The following PKIB variants were observed in gnomAD, a reference collection of about 807,000 sequenced individuals.
The protein encoded by PKIB is PKI-beta.
PKIB carries 2 observed loss-of-function variants against 4.5 expected under a neutral mutation model. The ratio of observed to expected loss-of-function variants is 0.44; its 90% confidence interval spans 0.18 to 1.39. The LOEUF is 1.39. Among genes scored for constraint, PKIB ranks in the 40% most tolerant of loss-of-function variants. The pLI is 0.27. For missense variants in PKIB, 94 were observed against 92.6 expected, an observed-to-expected ratio of 1.02 and a Z score of -0.06; for synonymous variants, 38 against 36.0, an observed-to-expected ratio of 1.06 and a Z score of -0.20.
intron 2 of PKIB, among the ~76,000 whole-genome samples, chr6:122,513,084 A>G (rs1776637559): frequency 6.6e-6 from 1 of 151,736 alleles, no homozygotes; most frequent in African/African-American, 2.4e-5. Flanking sequence ...CCCTCGATTT[A>G]CTCTTCCACC....
chr6:122,480,622 C>T (rs1466421735), intron 2 of PKIB: 1 of 152,048 alleles, frequency 6.6e-6, no homozygotes, highest in Non-Finnish European at 1.5e-5. Context: ...TATTTATATG[C>T]CTACAGTATT....
intron 3 of PKIB, among the ~76,000 whole-genome samples, chr6:122,710,991 G>A (rs972587573): frequency 3.3e-5 from 5 of 152,132 alleles, no homozygotes; most frequent in Non-Finnish European, 7.3e-5. Flanking sequence ...TCTCAATTCT[G>A]AATACTCTGA....
At chr6:122,480,345 AG>A (rs2073746481) in intron 2 of PKIB, 1 of 152,126 alleles carries the variant, frequency 6.6e-6, no homozygotes, top group African/African-American at 2.4e-5. Context: ...CCCGGCCTAT[AG>A]TCAAATTTTT....
chr6:122,490,343 C>T (rs1445628935), intron 2 of PKIB, among the ~76,000 whole-genome samples: 1 of 152,044 alleles, frequency 6.6e-6, no homozygotes, highest in Non-Finnish European at 1.5e-5. Context: ...TAAAGTGTGC[C>T]CTTACCAAAG....
intron 1 of PKIB, among the ~76,000 whole-genome samples, chr6:122,620,220 A>G (rs967358028): frequency 2.0e-5 from 3 of 152,052 alleles, no homozygotes. Context: ...TGTTCTGAAC[A>G]CTCTAGTAAT....
chr6:122,720,096 T>C (rs1779678277), intron 4 of PKIB, among the ~76,000 whole-genome samples: 1 of 152,198 alleles, frequency 6.6e-6, no homozygotes. Flanking sequence ...GTCTCAGATG[T>C]TATGGTTTCA....
At chr6:122,567,346 A>C (rs1003752551) in intron 2 of PKIB, among the ~76,000 whole-genome samples, 2 of 152,198 alleles carry the variant, frequency 1.3e-5, no homozygotes, top group African/African-American at 4.8e-5. Flanking sequence ...GATCCACAGA[A>C]TTAAGCTCTA....
chr6:122,620,318 C>T (rs1775172086), intron 1 of PKIB, among the ~76,000 whole-genome samples: 1 of 152,146 alleles, frequency 6.6e-6, no homozygotes, highest in African/African-American at 2.4e-5. Context: ...TCTCACTTAC[C>T]ATGTGGTCGT....
intron 1 of PKIB, among the ~76,000 whole-genome samples, chr6:122,632,665 G>A (rs1373079326): frequency 1.3e-5 from 2 of 152,156 alleles, no homozygotes; most frequent in African/African-American, 2.4e-5. Context: ...TCTAGATGGT[G>A]AGGCATTATG....
At chr6:122,573,503 CAG>C (rs1260490918) in intron 2 of PKIB, among the ~76,000 whole-genome samples, 2 of 112,474 alleles carry the variant, frequency 1.8e-5, no homozygotes, top group Non-Finnish European at 3.4e-5. Context: ...GCCGAGGCAA[CAG>C]AGTTAGACTC....
intron 1 of PKIB, among the ~76,000 whole-genome samples, chr6:122,624,497 G>A (rs1175527630): frequency 6.6e-6 from 1 of 152,088 alleles, no homozygotes; most frequent in Non-Finnish European, 1.5e-5. Context: ...AAAACTTAGA[G>A]GTAATGAACA....
chr6:122,630,960 G>A (rs1002469387), intron 1 of PKIB, among the ~76,000 whole-genome samples: 1 of 152,174 alleles, frequency 6.6e-6, no homozygotes, highest in African/African-American at 2.4e-5. Context: ...GGTTGAAGGA[G>A]AGGAAAGCAT....
intron 2 of PKIB, among the ~76,000 whole-genome samples, chr6:122,522,444 A>AAAC (rs1028585474): frequency 6.6e-6 from 1 of 152,072 alleles, no homozygotes; most frequent in Admixed American, 6.5e-5. Context: ...AAACCAAAAC[A>AAAC]AACAACAACA....
At chr6:122,646,828 T>A (rs941423794) in intron 2 of PKIB, among the ~76,000 whole-genome samples, 2 of 152,196 alleles carry the variant, frequency 1.3e-5, no homozygotes, top group Non-Finnish European at 2.9e-5. Flanking sequence ...TTACACCTTC[T>A]TCATAGAAAT....
intron 2 of PKIB, among the ~76,000 whole-genome samples, chr6:122,544,374 T>G (rs1582689020): frequency 3.9e-5 from 2 of 51,906 alleles, no homozygotes; most frequent in Admixed American, 2.7e-4. Context: ...ATTAATAGAT[T>G]TTTAAAAATT....
intron 3 of PKIB, among the ~76,000 whole-genome samples, chr6:122,596,462 T>C (rs909767167): frequency 2.0e-5 from 3 of 152,110 alleles, no homozygotes; most frequent in Admixed American, 1.3e-4. Context: ...CCACTTCCAT[T>C]TGATGATGGA....
At chr6:122,690,524 G>C (rs1013261846) in intron 3 of PKIB, among the ~76,000 whole-genome samples, 1 of 151,950 alleles carries the variant, frequency 6.6e-6, no homozygotes, top group Admixed American at 6.6e-5. Context: ...CAAGCAAAAA[G>C]AAATCTAATA....
intron 3 of PKIB, among the ~76,000 whole-genome samples, chr6:122,689,308 G>T (rs769522420): frequency 4.6e-5 from 7 of 151,902 alleles, no homozygotes; most frequent in Admixed American, 2.6e-4. Context: ...CTAATTGTGG[G>T]TTCAGTTTTC....
intron 2 of PKIB, among the ~76,000 whole-genome samples, chr6:122,497,127 A>C (rs1304616944): frequency 6.6e-6 from 1 of 152,226 alleles, no homozygotes; most frequent in Non-Finnish European, 1.5e-5. Flanking sequence ...CTGCCAAACT[A>C]AGCTTCATAA....
Sources: gnomAD v4.1 joint callset for allele counts (sites outside exome capture counted in the v4.1 genomes callset) on GRCh38, gnomAD v4.1.1 for gene constraint, MANE v1.5 for transcripts, NCBI Gene and HGNC (gene_info 2026-07-23, HGNC 2026-07-21) for gene names.